The following ANKRD31 variants were observed in gnomAD, a reference collection of about 807,000 sequenced individuals.
ANKRD31 encodes ankyrin repeat domain 31, also known as ankyrin repeat domain-containing protein 31.
In ANKRD31, 147 loss-of-function variants were observed where a neutral mutation model predicts 186.0. The ratio of observed to expected loss-of-function variants is 0.79; its 90% CI spans 0.69 to 0.91. The LOEUF (loss-of-function observed/expected upper bound fraction) is 0.91. Ranked by LOEUF, ANKRD31 falls within the 40% of genes least tolerant of loss-of-function variation. The pLI is 0.00. For missense variants in ANKRD31, 1,986 were observed against 2,148.8 expected, an observed-to-expected ratio of 0.92 and a Z score of 1.50; for synonymous variants, 673 against 736.4, an observed-to-expected ratio of 0.91 and a Z score of 1.39.
At chr5:75,141,720 G>A (rs1299822407) in intron 15 of ANKRD31, among the ~76,000 whole-genome samples, 3 of 151,900 alleles carry the variant, frequency 2.0e-5, no homozygotes, top group Non-Finnish European at 4.4e-5. Flanking sequence ...GGAGAATCAT[G>A]TGAGCCTGGG....
At chr5:75,117,004 CAGTT>C (rs1748342215) in intron 18 of ANKRD31, among the ~76,000 whole-genome samples, 1 of 152,138 alleles carries the variant, frequency 6.6e-6, no homozygotes, top group African/African-American at 2.4e-5. Flanking sequence ...CAATGTCACA[CAGTT>C]AGAACTGAAA....
chr5:75,084,754 T>C (rs1745352799), intron 23 of ANKRD31, among the ~76,000 whole-genome samples: 1 of 152,246 alleles, frequency 6.6e-6, no homozygotes, highest in Non-Finnish European at 1.5e-5. Context: ...CAGCATCTGC[T>C]ACTTTATAAC....
At chr5:75,197,710 T>C (rs999040241) in intron 6 of ANKRD31, among the ~76,000 whole-genome samples, 1 of 152,210 alleles carries the variant, frequency 6.6e-6, no homozygotes, top group Non-Finnish European at 1.5e-5. Context: ...TAATAAAGTA[T>C]ATACATTGGG....
chr5:75,130,365 C>T (rs1308181423), intron 17 of ANKRD31, among the ~76,000 whole-genome samples: 1 of 152,208 alleles, frequency 6.6e-6, no homozygotes, highest in African/African-American at 2.4e-5. Flanking sequence ...GGAAAGGGAC[C>T]TCAGTGGGTT....
chr5:75,120,822 C>G (rs1390862404), intron 17 of ANKRD31, among the ~76,000 whole-genome samples: 2 of 152,086 alleles, frequency 1.3e-5, no homozygotes, highest in East Asian at 3.8e-4. Flanking sequence ...TATAGATAGG[C>G]AGAATGGATT....
At chr5:75,101,780 G>A (rs1561420796) in intron 22 of ANKRD31, among the ~76,000 whole-genome samples, 1 of 152,130 alleles carries the variant, frequency 6.6e-6, no homozygotes, top group Non-Finnish European at 1.5e-5. Context: ...GCTCCATCAG[G>A]TTATTTAAGG....
At chr5:75,180,535 G>A (rs966647025) in intron 10 of ANKRD31, among the ~76,000 whole-genome samples, 19 of 152,112 alleles carry the variant, frequency 1.2e-4, no homozygotes, top group African/African-American at 4.6e-4. Flanking sequence ...CCAAAACAGA[G>A]ATATAGACAA....
intron 10 of ANKRD31, among the ~76,000 whole-genome samples, chr5:75,175,235 G>A (rs1753696229): frequency 6.6e-6 from 1 of 152,170 alleles, no homozygotes; most frequent in South Asian, 2.1e-4. Context: ...GTCGGGTCGG[G>A]CAGTTGCCTG....
chr5:75,098,848 T>C (rs1009239168), intron 22 of ANKRD31, among the ~76,000 whole-genome samples: 3 of 152,204 alleles, frequency 2.0e-5, no homozygotes, highest in Non-Finnish European at 2.9e-5. Flanking sequence ...TGATGGGTTT[T>C]CTAAATATAC....
intron 11 of ANKRD31, among the ~76,000 whole-genome samples, chr5:75,156,229 T>C (rs1752163765): frequency 6.6e-6 from 1 of 152,010 alleles, no homozygotes; most frequent in African/African-American, 2.4e-5. Context: ...TTAAAGAAGA[T>C]ATATATCTCT....
At chr5:75,084,243 C>T (rs1292032896) in intron 24 of ANKRD31, 29 bp downstream of exon 24, 21 of 1,480,794 alleles carry the variant, frequency 1.4e-5, no homozygotes, top group African/African-American at 5.6e-5. Context: ...TATCCCACAA[C>T]GAAGAAATGA....
intron 22 of ANKRD31, among the ~76,000 whole-genome samples, chr5:75,093,865 TG>T (rs1746122201): frequency 6.6e-6 from 1 of 152,122 alleles, no homozygotes; most frequent in Non-Finnish European, 1.5e-5. Context: ...CTGAGAAAAT[TG>T]GTTGCTAAGA....
intron 11 of ANKRD31, among the ~76,000 whole-genome samples, chr5:75,168,499 T>G (rs1395975421): frequency 6.6e-6 from 1 of 152,214 alleles, no homozygotes; most frequent in Non-Finnish European, 1.5e-5. Flanking sequence ...CCAACTGGTA[T>G]GCAATTATAG....
At chr5:75,168,898 G>A (rs1753116092) in intron 11 of ANKRD31, 81 bp downstream of exon 11, 1 of 1,294,590 alleles carries the variant, frequency 7.7e-7, no homozygotes, top group Admixed American at 2.9e-5. Context: ...ATTTCTGTAT[G>A]TTTTTCTATT....
intron 10 of ANKRD31, among the ~76,000 whole-genome samples, chr5:75,176,431 C>T (rs1471306607): frequency 1.3e-5 from 2 of 152,212 alleles, no homozygotes; most frequent in African/African-American, 4.8e-5. Context: ...GAGCAGACTG[C>T]CTCTTCAAGT....
Position 75,104,339 on chromosome 5 carries a change from T to C in ANKRD31, c.5220A>G (p.Lys1740=). Residue 1740 remains lysine (K), a synonymous_variant, in exon 22 of 26, where the codon AAA becomes AAG. Transcript: ENST00000506364. The part of the protein sequence containing the change: ...SSGSGQQDTI[K]KALNYSTAPK... ...GAGCTGTACTGTAGTTTAAAGCCTT[T>C]TTTATTGTATCTTGTTGCCCAGATC... 1 of 1,537,246 alleles carries C rather than the reference T, an allele frequency of 6.5e-7. No individual in the cohort carries two copies. Among genetic ancestry groups the C allele is most frequent in the Non-Finnish European group, 8.7e-7 (1 of 1,146,892 alleles).
intron 3 of ANKRD31, among the ~76,000 whole-genome samples, chr5:75,218,717 C>T (rs981663102): frequency 1.2e-4 from 18 of 152,198 alleles, no homozygotes; most frequent in African/African-American, 3.9e-4. Flanking sequence ...TACTAACAAA[C>T]CAAATGTGAA....
Position 75,146,834 on chromosome 5 carries a change from AGT to A in ANKRD31, c.2575_2576del (p.Thr859SerfsTer10). On this transcript the variant is annotated frameshift_variant, in exon 14 of 26. Coordinates refer to ENST00000506364, the MANE Select transcript of ANKRD31 (RefSeq NM_001372053.1). LOFTEE classifies it high-confidence loss of function. ...PVVTTDKQPH[T>X]LQEQHHVLYK... is the part of the protein sequence containing the mutation. ...AAAGTACATGGTGTTGTTCCTGGAG[AGT>A]GTGAGGCTGCTTATCTGTAGTAACA... The A allele has an allele frequency of 1.3e-6, 2 of 1,536,200 alleles. No homozygotes were observed. Among genetic ancestry groups the A allele is most frequent in the Middle Eastern group, 3.3e-4 (2 of 5,982 alleles).
intron 25 of ANKRD31, among the ~76,000 whole-genome samples, chr5:75,076,938 G>A (rs1204241683): frequency 6.6e-6 from 1 of 152,040 alleles, no homozygotes; most frequent in Non-Finnish European, 1.5e-5. Flanking sequence ...TCAATAGGTA[G>A]TAAAAATACA....
Sources: allele counts gnomAD v4.1 joint callset (sites outside exome capture counted in the v4.1 genomes callset), GRCh38; gene constraint gnomAD v4.1.1; transcripts MANE v1.5; gene names NCBI Gene and HGNC (gene_info 2026-07-23, HGNC 2026-07-21).